CHN1: variants seen among roughly 807,000 people sequenced by gnomAD.
CHN1 encodes the protein N-chimaerin.
In CHN1, 37 loss-of-function variants were observed where a neutral mutation model predicts 59.5. That is an observed-to-expected ratio of 0.62 (90% CI 0.48 to 0.82). The LOEUF (loss-of-function observed/expected upper bound fraction) is 0.82, where lower values mean the gene tolerates loss of function less well. Ranked by LOEUF, CHN1 falls within the 40% of genes least tolerant of loss-of-function variation. CHN1 has a pLI of 0.00. For missense variants in CHN1, 469 were observed against 571.0 expected, an observed-to-expected ratio of 0.82 and a Z score of 1.82; for synonymous variants, 206 against 200.4, an observed-to-expected ratio of 1.03 and a Z score of -0.24.
chr2:174,994,922 G>C (rs939498262), intron 1 of CHN1, among the ~76,000 whole-genome samples: 3 of 152,080 alleles, frequency 2.0e-5, no homozygotes, highest in Non-Finnish European at 4.4e-5. Context: ...AAGGAGGGAA[G>C]TAAATTGTAA....
At chr2:174,842,515 A>G (rs917581198) in intron 7 of CHN1, among the ~76,000 whole-genome samples, 3 of 152,188 alleles carry the variant, frequency 2.0e-5, no homozygotes, top group African/African-American at 7.2e-5. Context: ...GAACCCTTAG[A>G]CCATGTGGTT....
rs111255402 is a variant in CHN1, at chr2:174,828,855, C to T, written c.628-4337G>A. Among the ~76,000 whole-genome samples the T allele has an allele frequency of 2.0e-3, 310 of 152,238 alleles. 2 individuals carry two copies. The highest frequency in any genetic ancestry group is 0.016 in the South Asian group (76 of 4,814). ...GTGACTTTTGCCTAGAATTGCCACA[C>T]CCCCTAGAAATCTGCAACCCATTCC... On this transcript the variant is annotated intron_variant, in intron 7 of 12. Transcript: ENST00000409900.
chr2:174,988,979 A>G (rs1691448650), intron 1 of CHN1, among the ~76,000 whole-genome samples: 1 of 152,222 alleles, frequency 6.6e-6, no homozygotes, highest in Non-Finnish European at 1.5e-5. Context: ...CAAAAATAGT[A>G]GTGAAATTAA....
At chr2:174,891,654 T>C (rs1574133956) in intron 5 of CHN1, among the ~76,000 whole-genome samples, 1 of 151,380 alleles carries the variant, frequency 6.6e-6, no homozygotes, top group Non-Finnish European at 1.5e-5. Context: ...CAGTTTATAG[T>C]GGTAAATACC....
Position 174,996,980 on chromosome 2 carries a change from C to T in CHN1, c.19+7914G>A, listed in dbSNP as rs754088942. ...CCCGACATTGTGAGACAGGTAACCC[C>T]TTACCCCTCACTCTCCTCTATTTTT... On this transcript the variant is annotated intron_variant, in intron 1 of 12. Transcript: ENST00000409900. Among the ~76,000 whole-genome samples the T allele has an allele frequency of 1.3e-4, 20 of 152,206 alleles. 1 individual carries two copies. Among genetic ancestry groups the T allele is most frequent in the Non-Finnish European group, 1.9e-4 (13 of 68,036 alleles).
At chr2:174,950,996 C>G (rs1690010860) in intron 2 of CHN1, among the ~76,000 whole-genome samples, 1 of 152,102 alleles carries the variant, frequency 6.6e-6, no homozygotes, top group Non-Finnish European at 1.5e-5. Flanking sequence ...CCAGGCTAGT[C>G]TCAAACTCCT....
chr2:174,800,185 T>G lies in CHN1; in HGVS notation c.1311A>C (p.Ala437=). 1 of 1,533,584 alleles carries G rather than the reference T, an allele frequency of 6.5e-7. No homozygotes were observed. Among genetic ancestry groups the G allele is most frequent in the Non-Finnish European group, 8.7e-7 (1 of 1,145,440 alleles). 95.0% of individuals were successfully genotyped at this position (1,533,584 alleles called of 1,614,324 possible). A position where few individuals can be genotyped will look rare whatever the true frequency, so the allele number is the denominator to read the frequency against. Residue 437 remains alanine (A), a synonymous_variant, in exon 13 of 13, where the codon GCA becomes GCC. Transcript: ENST00000409900. ...MRSPELDAMA[A]LNDIRYQRLV... is the part of the protein sequence containing the mutation. ...GTCTCTGATACCGTATATCATTCAATGCAGCCATGGCGTCTAGTTCTGGAG... is the reference window on the plus strand; with the variant it reads ...GTCTCTGATACCGTATATCATTCAAGGCAGCCATGGCGTCTAGTTCTGGAG...
intron 5 of CHN1, among the ~76,000 whole-genome samples, 158 bp from the exon 6 acceptor site, chr2:174,878,286 T>C (rs1389004074): frequency 6.6e-6 from 1 of 152,222 alleles, no homozygotes; most frequent in African/African-American, 2.4e-5. Flanking sequence ...GTCTGGAATA[T>C]ATAAAATTAA....
chr2:174,827,692 T>C (rs1685737664), intron 7 of CHN1, among the ~76,000 whole-genome samples: 1 of 152,134 alleles, frequency 6.6e-6, no homozygotes, highest in African/African-American at 2.4e-5. Flanking sequence ...ACAGACGATA[T>C]GGAGCTGAAC....
intron 5 of CHN1, among the ~76,000 whole-genome samples, chr2:174,896,276 A>C (rs553522327): frequency 2.6e-5 from 4 of 152,158 alleles, no homozygotes; most frequent in Non-Finnish European, 4.4e-5. Flanking sequence ...GATTACACTT[A>C]TAAAAGAGAA....
chr2:174,809,058 A>G lies in CHN1; in HGVS notation c.965-16T>C, dbSNP rs1162815325. 3 of 1,592,420 alleles carry G rather than the reference A, an allele frequency of 1.9e-6. No individual in the cohort carries two copies. In the Admixed American group the frequency reaches 5.2e-5, roughly 27 times the overall value. ...TTCTCACCATCTTTTAAGGATGTTG[A>G]AAGAAATAAAAGTAAATATCTGGAT... is the stretch of plus-strand genomic sequence containing the variant. On this transcript the variant is annotated splice_polypyrimidine_tract_variant and intron_variant, in intron 10 of 12. Transcript: ENST00000409900.
At chr2:174,898,774 T>C (rs1387616025) in intron 5 of CHN1, among the ~76,000 whole-genome samples, 1 of 152,218 alleles carries the variant, frequency 6.6e-6, no homozygotes, top group African/African-American at 2.4e-5. Flanking sequence ...GGTGATCCTA[T>C]GTTAACTTTC....
At chr2:174,979,438 T>G (rs1691065348) in intron 1 of CHN1, among the ~76,000 whole-genome samples, 2 of 152,228 alleles carry the variant, frequency 1.3e-5, no homozygotes, top group African/African-American at 4.8e-5. Context: ...TCCTCTATTT[T>G]CTTTCTCTAC....
chr2:174,972,718 G>A (rs980724166), intron 1 of CHN1, among the ~76,000 whole-genome samples: 1 of 152,138 alleles, frequency 6.6e-6, no homozygotes, highest in African/African-American at 2.4e-5. Flanking sequence ...ATAAAGTCAG[G>A]TTGATTCAGT....
At chr2:174,968,070 A>ACATC (rs1341848932) in intron 1 of CHN1, among the ~76,000 whole-genome samples, 1 of 152,256 alleles carries the variant, frequency 6.6e-6, no homozygotes, top group Non-Finnish European at 1.5e-5. Flanking sequence ...AGTCTTCCTT[A>ACATC]CATCCATGTT....
intron 9 of CHN1, 88 bp from the exon 10 acceptor site, chr2:174,811,676 C>T: frequency 1.4e-6 from 1 of 722,624 alleles, no homozygotes; most frequent in Non-Finnish European, 2.3e-6. Context: ...GGTAATGTGT[C>T]AGAAGAAATA....
Position 174,824,238 on chromosome 2 carries a change from A to C in CHN1, c.712+196T>G, listed in dbSNP as rs531943587. 2.0e-5 allele frequency among the ~76,000 whole-genome samples: 3 copies of C among 152,346 alleles called. No homozygotes were observed. The South Asian group carries it at 6.2e-4, about 32-fold the overall frequency. On this transcript the variant is annotated intron_variant, in intron 8 of 12. Transcript: ENST00000409900. ...ATGCCAGATCCCTAGTGTGCTGTCC[A>C]TCAAGTGCCAGAAGGTTAAGAGCAG...
intron 5 of CHN1, among the ~76,000 whole-genome samples, chr2:174,906,348 T>C (rs1385361342): frequency 6.6e-6 from 1 of 152,210 alleles, no homozygotes; most frequent in Middle Eastern, 3.4e-3. Flanking sequence ...AAGGGAAAAA[T>C]GTCAGTCACG....
At position 175,004,938 on chromosome 2, in the gene CHN1, G is replaced by A. The variant is rs770415629; in HGVS notation, c.-26C>T. 3 of 1,527,930 alleles carry A rather than the reference G, an allele frequency of 2.0e-6. No homozygotes were observed. The allele number at this position is 1,527,930 out of a possible 1,614,324, so 94.6% of individuals were successfully genotyped here. On this transcript the variant is annotated 5_prime_UTR_variant, in exon 1 of 13. Coordinates refer to ENST00000409900, the MANE Select transcript of CHN1 (RefSeq NM_001822.7). ...TGTAAAGGCGCTCGCCGCCGCCCGC[G>A]AGTCCAGGCGCTCCTCCCAGGCGGG... is the stretch of plus-strand genomic sequence containing the variant.
Sources: allele counts gnomAD v4.1 joint callset (sites outside exome capture counted in the v4.1 genomes callset), GRCh38; gene constraint gnomAD v4.1.1; transcripts MANE v1.5; gene names NCBI Gene and HGNC (gene_info 2026-07-23, HGNC 2026-07-21).